Variants in TRIM34 observed in about 807,000 individuals in gnomAD.
TRIM34 encodes the protein tripartite motif containing 34.
Under a neutral mutation model 38.1 loss-of-function variants are expected in TRIM34, and 41 were observed. That is an observed-to-expected ratio of 1.08 (90% CI 0.84 to 1.40). The LOEUF (loss-of-function observed/expected upper bound fraction) is 1.40. Among genes scored for constraint, TRIM34 ranks in the 40% most tolerant of loss-of-function variants. The probability of loss-of-function intolerance (pLI) is 0.00; values close to 1 mark genes in which losing one functional copy is unlikely to be tolerated. For synonymous variants in TRIM34, 200 were observed against 202.5 expected (o/e 0.99, Z 0.10); for missense variants, 556 against 571.4 (o/e 0.97, Z 0.27).
chr11:5,628,992 C>T (rs567770228), intron 1 of TRIM34, among the ~76,000 whole-genome samples: 15 of 152,028 alleles, frequency 9.9e-5, no homozygotes, highest in Non-Finnish European at 2.1e-4. Context: ...AAACACAGGT[C>T]AAGGCCGGGT....
chr11:5,633,175 A>C (rs1290027732), intron 2 of TRIM34, among the ~76,000 whole-genome samples: 1 of 146,106 alleles, frequency 6.8e-6, no homozygotes, highest in Non-Finnish European at 1.5e-5. Context: ...TGTGAGCAAT[A>C]AAGCTTTTTA....
chr11:5,638,784 T>A (rs1052195812), intron 4 of TRIM34, among the ~76,000 whole-genome samples: 4 of 152,174 alleles, frequency 2.6e-5, no homozygotes, highest in African/African-American at 9.7e-5. Context: ...CAGAATGAAG[T>A]CTAGCTGCTT....
At chr11:5,633,707 T>C (rs1590169623) in intron 2 of TRIM34, 97 bp from the exon 3 acceptor site, 3 of 1,314,348 alleles carry the variant, frequency 2.3e-6, no homozygotes, top group East Asian at 5.2e-5. Context: ...TGTAAATTGC[T>C]TTTTTCTGGG....
In TRIM34 at chr11:5,643,217, T is replaced by C; in HGVS notation, c.975T>C (p.Ser325=). Residue 325 remains serine, a synonymous_variant, in exon 8 of 8, where the codon TCT becomes TCC. Coordinates refer to ENST00000429814, the MANE Select transcript of TRIM34 (RefSeq NM_021616.6). ...CAGAAGATCAGAGACAAGTGATATC[T>C]GTGCCAATTTGGCCTTTTCAGTGTT... The part of the protein sequence containing the change: ...VLSEDQRQVI[S]VPIWPFQCYN... 1 of 1,613,492 alleles carries C rather than the reference T, an allele frequency of 6.2e-7. No homozygotes were observed. Among genetic ancestry groups the C allele is most frequent in the Non-Finnish European group, 8.5e-7 (1 of 1,179,776 alleles).
chr11:5,630,037 A>G (rs978298219), intron 1 of TRIM34, among the ~76,000 whole-genome samples: 11 of 152,106 alleles, frequency 7.2e-5, no homozygotes, highest in African/African-American at 2.4e-4. Flanking sequence ...GTACAAGACC[A>G]TGTGACCATG....
upstream of TRIM34, among the ~76,000 whole-genome samples, chr11:5,623,760 G>A (rs1333223787): frequency 6.6e-6 from 1 of 152,040 alleles, no homozygotes; most frequent in African/African-American, 2.4e-5. Flanking sequence ...AGTAGTCAAA[G>A]CATATTCCCA....
intron 1 of TRIM34, among the ~76,000 whole-genome samples, chr11:5,631,169 T>A (rs1188032225): frequency 6.6e-6 from 1 of 152,200 alleles, no homozygotes; most frequent in Non-Finnish European, 1.5e-5. Context: ...TGGGTTCCTA[T>A]CAACCTCTGT....
At chr11:5,634,553 C>G (rs1359680519) in intron 3 of TRIM34, 78 bp from the exon 4 acceptor site, 1 of 1,059,010 alleles carries the variant, frequency 9.4e-7, no homozygotes, top group African/African-American at 1.9e-5. Flanking sequence ...ATATATTTCC[C>G]TACTGGCTCC....
intron 1 of TRIM34, among the ~76,000 whole-genome samples, chr11:5,629,832 C>T (rs771092783): frequency 9.2e-5 from 14 of 152,154 alleles, no homozygotes; most frequent in South Asian, 2.1e-4. Context: ...CTTAGCCTCC[C>T]GAGTAGCTGG....
intron 1 of TRIM34, among the ~76,000 whole-genome samples, chr11:5,629,056 C>T (rs1849366808): frequency 6.6e-6 from 1 of 152,138 alleles, no homozygotes; most frequent in Non-Finnish European, 1.5e-5. Context: ...ACAGGTGGAT[C>T]ACCTGAGGTC....
At chr11:5,629,806 C>T (rs1231975919) in intron 1 of TRIM34, among the ~76,000 whole-genome samples, 1 of 152,168 alleles carries the variant, frequency 6.6e-6, no homozygotes, top group East Asian at 1.9e-4. Context: ...CTCCCGGGTT[C>T]ACGCCATTCT....
intron 4 of TRIM34, among the ~76,000 whole-genome samples, chr11:5,637,037 A>G (rs984273176): frequency 2.0e-5 from 3 of 152,168 alleles, no homozygotes; most frequent in African/African-American, 7.2e-5. Flanking sequence ...TTAGCTGGTG[A>G]TGGCGGCTGC....
intron 1 of TRIM34, among the ~76,000 whole-genome samples, chr11:5,630,528 C>G (rs1481315737): frequency 6.6e-6 from 1 of 152,224 alleles, no homozygotes; most frequent in Non-Finnish European, 1.5e-5. Flanking sequence ...ATCAGCCACA[C>G]ATTTAAAAAC....
intron 1 of TRIM34, among the ~76,000 whole-genome samples, chr11:5,631,712 T>C (rs1849488029): frequency 6.6e-6 from 1 of 152,152 alleles, no homozygotes; most frequent in African/African-American, 2.4e-5. Context: ...GGAAGGAAGA[T>C]AATGAAACAA....
chr11:5,622,481 A>ACGTGGTG (rs61701072), upstream of TRIM34, among the ~76,000 whole-genome samples: 45,605 of 149,946 alleles, frequency 0.3, 7,566 homozygotes, highest in East Asian at 0.62. Flanking sequence ...AATTAGCTGG[A>ACGTGGTG]CGTGGTGGCG....
rs192448159 is a variant in TRIM34, at chr11:5,640,384, G to A, written c.751-783G>A. Among the ~76,000 whole-genome samples the A allele has an allele frequency of 2.4e-3, 368 of 151,746 alleles. 3 individuals are homozygous for A. Among genetic ancestry groups the A allele is most frequent in the African/African-American group, 8.6e-3 (355 of 41,328 alleles). Reference sequence around the variant, plus strand: ...CTGAATGCTTTTTTTCATGTCTATTGAGATCATCATGTGGTTTTCATCCTT... The same window carrying A: ...CTGAATGCTTTTTTTCATGTCTATTAAGATCATCATGTGGTTTTCATCCTT... On this transcript the variant is annotated intron_variant, in intron 4 of 7. Transcript: ENST00000429814.
At chr11:5,633,668 T>G in intron 2 of TRIM34, 136 bp from the exon 3 acceptor site, 1 of 807,174 alleles carries the variant, frequency 1.2e-6, no homozygotes, top group South Asian at 2.0e-5. Flanking sequence ...CCCCATGTCA[T>G]AGATTCTAAT....
At chr11:5,620,167 CTTTTTTTTTTTTTTT>C (rs60013395), upstream of TRIM34, 3 of 72,772 alleles carry the variant, frequency 4.1e-5, no homozygotes, top group African/African-American at 1.7e-4. Flanking sequence ...TTTCTTTCTT[CTTTTTTTTTTTTTTT>C]TTTTTTTTTT....
chr11:5,641,865 C>T (rs555421108), intron 5 of TRIM34, among the ~76,000 whole-genome samples: 2 of 152,216 alleles, frequency 1.3e-5, no homozygotes, highest in East Asian at 1.9e-4. Flanking sequence ...TCTCCTTTGC[C>T]GAGTGTTCGT....
Sources: allele counts gnomAD v4.1 joint callset (sites outside exome capture counted in the v4.1 genomes callset), GRCh38; gene constraint gnomAD v4.1.1; transcripts MANE v1.5; gene names NCBI Gene and HGNC (gene_info 2026-07-23, HGNC 2026-07-21).